Variants in HSD17B4 observed in about 807,000 individuals in gnomAD.
HSD17B4 encodes peroxisomal multifunctional enzyme type 2.
Under a neutral mutation model 101.0 loss-of-function variants are expected in HSD17B4, and 70 were observed. The observed-to-expected ratio is 0.69, with a 90% CI of 0.57 to 0.85. The LOEUF (loss-of-function observed/expected upper bound fraction) is 0.85, where lower values mean the gene tolerates loss of function less well. Among genes scored for constraint, HSD17B4 ranks in the 40% least tolerant of loss-of-function variants. HSD17B4 has a pLI of 0.00. For synonymous variants in HSD17B4, 347 were observed against 297.1 expected, an observed-to-expected ratio of 1.17 and a Z score of -1.73; for missense variants, 984 against 892.4, an observed-to-expected ratio of 1.10 and a Z score of -1.31.
intron 22 of HSD17B4, among the ~76,000 whole-genome samples, chr5:119,532,944 G>A (rs1171840543): frequency 6.6e-6 from 1 of 152,102 alleles, no homozygotes; most frequent in African/African-American, 2.4e-5. Context: ...AACTCAGCTA[G>A]TGTGAGTTAG....
intron 17 of HSD17B4, among the ~76,000 whole-genome samples, chr5:119,518,376 C>T (rs1752828969): frequency 6.6e-6 from 1 of 152,134 alleles, no homozygotes; most frequent in African/African-American, 2.4e-5. Context: ...GACGTGCCAC[C>T]TTAAGAGCTG....
Position 119,542,115 on chromosome 5 carries a change from A to T in HSD17B4, c.*121A>T. ...GCAGGGGAAATTGCTTAACATTTTC[A>T]GATATCAGATAACTGCAGATTTTCA... On this transcript the variant is annotated 3_prime_UTR_variant, in exon 24 of 24. Coordinates refer to ENST00000510025, the MANE Select transcript of HSD17B4 (RefSeq NM_000414.4). 3 of 708,976 alleles carry T rather than the reference A, an allele frequency of 4.2e-6. No individual in the cohort carries two copies. The highest frequency in any genetic ancestry group is 5.1e-6 in the Non-Finnish European group (2 of 391,594). 43.9% of individuals were successfully genotyped at this position (708,976 alleles called of 1,614,324 possible). A position where few individuals can be genotyped will look rare whatever the true frequency, so the allele number is the denominator to read the frequency against.
chr5:119,467,992 T>A (rs1356985470), intron 2 of HSD17B4, among the ~76,000 whole-genome samples: 1 of 152,180 alleles, frequency 6.6e-6, no homozygotes, highest in Non-Finnish European at 1.5e-5. Context: ...ATCCAGCCAA[T>A]CTCTTTATCA....
intron 18 of HSD17B4, 126 bp downstream of exon 18, chr5:119,525,411 A>T: frequency 2.8e-6 from 2 of 704,356 alleles, no homozygotes; most frequent in African/African-American, 1.8e-5. Flanking sequence ...TATTTTATTT[A>T]TTACATTTAT....
intron 6 of HSD17B4, 58 bp from the exon 7 acceptor site, chr5:119,477,358 AT>A: frequency 8.6e-7 from 1 of 1,156,192 alleles, no homozygotes; most frequent in Non-Finnish European, 1.3e-6. Flanking sequence ...GCTTATGTTG[AT>A]TCTTAGACAT....
intron 2 of HSD17B4, among the ~76,000 whole-genome samples, chr5:119,458,566 C>T (rs1032936958): frequency 2.1e-5 from 3 of 145,524 alleles, no homozygotes; most frequent in Admixed American, 1.4e-4. Flanking sequence ...CCAGGCTGGT[C>T]TTGAACTCCT....
intron 15 of HSD17B4, among the ~76,000 whole-genome samples, chr5:119,507,960 G>A (rs1580648881): frequency 6.6e-6 from 1 of 152,016 alleles, no homozygotes; most frequent in Non-Finnish European, 1.5e-5. Context: ...TGGAATATAA[G>A]TTTATCATTT....
intron 12 of HSD17B4, among the ~76,000 whole-genome samples, chr5:119,497,371 C>G (rs1392701395): frequency 2.0e-5 from 3 of 152,174 alleles, no homozygotes; most frequent in African/African-American, 7.2e-5. Context: ...TGTGGCTAAA[C>G]TGATATCTAG....
At position 119,541,919 on chromosome 5, in the gene HSD17B4, C is replaced by T; in HGVS notation, c.2136C>T (p.Gly712=). ...TCTCCTTGCAGGCATTCTTTAGTGG[C>T]AGGCTGAAGGCCAGAGGGAACATCA... The part of the protein sequence containing the change: ...KLDPQKAFFS[G]RLKARGNIML... The change falls in exon 24 of 24, where the codon GGC becomes GGT. Residue 712 remains glycine (G), a synonymous_variant. Transcript: ENST00000510025. 1 of 1,610,188 alleles carries T rather than the reference C, an allele frequency of 6.2e-7. No individual in the cohort carries two copies. The highest frequency in any genetic ancestry group is 8.5e-7 in the Non-Finnish European group (1 of 1,177,016).
chr5:119,516,858 A>C (rs1233056226), intron 17 of HSD17B4, among the ~76,000 whole-genome samples: 1 of 152,242 alleles, frequency 6.6e-6, no homozygotes, highest in Non-Finnish European at 1.5e-5. Flanking sequence ...CAAGGCTTTG[A>C]TTTGTAGTAT....
At chr5:119,477,634 T>C in intron 7 of HSD17B4, 133 bp downstream of exon 7, 1 of 739,308 alleles carries the variant, frequency 1.4e-6, no homozygotes, top group Admixed American at 1.9e-5. Context: ...TTTTAACATA[T>C]GGTTTTGGCA....
intron 11 of HSD17B4, among the ~76,000 whole-genome samples, chr5:119,494,376 T>TCTTTCTTTCTTC (rs1378467273): frequency 1.6e-3 from 239 of 150,748 alleles, no homozygotes; most frequent in African/African-American, 5.7e-3. Context: ...TTTCTTTCTT[T>TCTTTCTTTCTTC]CTTTCTTTCT....
chr5:119,518,647 A>G (rs1226567965), intron 17 of HSD17B4, among the ~76,000 whole-genome samples: 3 of 152,198 alleles, frequency 2.0e-5, no homozygotes, highest in Non-Finnish European at 2.9e-5. Flanking sequence ...ATGATTGTGC[A>G]TGGGCAGATC....
At chr5:119,496,262 T>G (rs983170088) in intron 11 of HSD17B4, among the ~76,000 whole-genome samples, 1 of 152,186 alleles carries the variant, frequency 6.6e-6, no homozygotes, top group African/African-American at 2.4e-5. Context: ...CTTAAAGACA[T>G]TGGAAAGCCC....
chr5:119,515,355 G>A (rs1251314043), intron 17 of HSD17B4, among the ~76,000 whole-genome samples: 1 of 152,092 alleles, frequency 6.6e-6, no homozygotes, highest in African/African-American at 2.4e-5. Context: ...TAAGAGTGAA[G>A]AATTTCATGA....
chr5:119,475,629 A>G, intron 4 of HSD17B4, 77 bp from the exon 5 acceptor site: 1 of 1,174,262 alleles, frequency 8.5e-7, no homozygotes, highest in Admixed American at 1.7e-5. Flanking sequence ...GCCAGTTTTG[A>G]GAGAAATGTG....
At chr5:119,539,248 A>G (rs1476665041) in intron 23 of HSD17B4, among the ~76,000 whole-genome samples, 2 of 152,160 alleles carry the variant, frequency 1.3e-5, no homozygotes, top group South Asian at 2.1e-4. Flanking sequence ...ATAGAATACT[A>G]TGCAGCCATA....
At chr5:119,491,236 G>C (rs1319402728) in intron 9 of HSD17B4, among the ~76,000 whole-genome samples, 1 of 152,134 alleles carries the variant, frequency 6.6e-6, no homozygotes, top group Non-Finnish European at 1.5e-5. Flanking sequence ...TTTGTCTAGT[G>C]TAACTTTATC....
chr5:119,497,868 T>A (rs1750791022), intron 12 of HSD17B4, among the ~76,000 whole-genome samples: 2 of 152,126 alleles, frequency 1.3e-5, no homozygotes, highest in Non-Finnish European at 2.9e-5. Context: ...CAAGTATCAT[T>A]TTTTTTTCTT....
Sources: allele counts gnomAD v4.1 joint callset (sites outside exome capture counted in the v4.1 genomes callset), GRCh38; gene constraint gnomAD v4.1.1; transcripts MANE v1.5; gene names NCBI Gene and HGNC (gene_info 2026-07-23, HGNC 2026-07-21).